The following FAM184A variants were observed in gnomAD, a reference collection of about 807,000 sequenced individuals.
FAM184A encodes protein FAM184A.
FAM184A carries 99 observed loss-of-function variants against 143.8 expected under a neutral mutation model. The ratio of observed to expected loss-of-function variants is 0.69; its 90% CI spans 0.58 to 0.81. The LOEUF (loss-of-function observed/expected upper bound fraction) is 0.81. FAM184A is among the 40% of genes least tolerant of loss of function. FAM184A has a pLI of 0.00. For synonymous variants in FAM184A, 427 were observed against 446.4 expected (o/e 0.96, Z 0.55); for missense variants, 1,217 against 1,310.5 (o/e 0.93, Z 1.10).
Position 119,078,409 on chromosome 6 carries a change from C to G in FAM184A, c.-110G>C. The G allele has an allele frequency of 8.9e-7, 1 of 1,126,440 alleles. No individual in the cohort carries two copies. Among genetic ancestry groups the G allele is most frequent in the Non-Finnish European group, 1.2e-6 (1 of 850,620 alleles). The allele number at this position is 1,126,440 out of a possible 1,614,324, so 69.8% of individuals were successfully genotyped here. A position where few individuals can be genotyped will look rare whatever the true frequency, so the allele number is the denominator to read the frequency against. On this transcript the variant is annotated 5_prime_UTR_variant, in exon 1 of 18. Coordinates refer to ENST00000338891, the MANE Select transcript of FAM184A (RefSeq NM_024581.6). This position sits in a 1 kb window ranked among gnomAD's most constrained non-coding sequence, Gnocchi z 5.5. ...GCGGCGGCCGCTTCCCGACCCGACA[C>G]CCGGCGCCCCCCAGACTCGGCCGCA... is the stretch of plus-strand genomic sequence containing the variant.
At position 119,107,072 on chromosome 6, in the gene FAM184A, GAA is replaced by G. The variant is rs199572832; in HGVS notation, c.-202+42004_-202+42005del. Among the ~76,000 whole-genome samples the G allele has an allele frequency of 5.5e-3, 833 of 152,268 alleles. 25 individuals carry two copies. The South Asian group carries it at 0.097, about 18-fold the overall frequency. On this transcript the variant is annotated intron_variant, in intron 1 of 16. Transcript: ENST00000352896. ...AAATTTGGGATAAATCTATTATCCT[GAA>G]ATTGTAATATGGAATTGTTAGTGAG... is the stretch of plus-strand genomic sequence containing the variant.
intron 1 of FAM184A, among the ~76,000 whole-genome samples, chr6:119,129,124 C>T (rs1209067622): frequency 1.3e-5 from 2 of 152,172 alleles, no homozygotes; most frequent in African/African-American, 2.4e-5. Context: ...CCCCTCTCTC[C>T]CAGATGTCGC....
chr6:118,989,599 AT>A (rs1350930490), intron 9 of FAM184A, among the ~76,000 whole-genome samples: 2 of 116,262 alleles, frequency 1.7e-5, no homozygotes, highest in East Asian at 3.9e-4. Context: ...CAAATATGAG[AT>A]AAAAAGATTA....
At chr6:119,084,963 G>C (rs915987707) in intron 1 of FAM184A, among the ~76,000 whole-genome samples, 1 of 152,238 alleles carries the variant, frequency 6.6e-6, no homozygotes, top group African/African-American at 2.4e-5. Flanking sequence ...GGGCAGCAGG[G>C]TCCTGGGTGT....
intron 1 of FAM184A, among the ~76,000 whole-genome samples, chr6:119,128,451 G>T (rs1248095315): frequency 6.6e-6 from 1 of 152,178 alleles, no homozygotes; most frequent in Non-Finnish European, 1.5e-5. Context: ...TCTTGGGCCA[G>T]ATGGTGGTGG....
chr6:118,969,986 T>TGTATATAAA (rs1783628413), intron 14 of FAM184A, among the ~76,000 whole-genome samples: 1 of 26,828 alleles, frequency 3.7e-5, no homozygotes, highest in African/African-American at 2.1e-4. Flanking sequence ...TGGGTGTATA[T>TGTATATAAA]ATATATAATA....
chr6:119,027,192 C>T (rs1785665076), intron 1 of FAM184A, among the ~76,000 whole-genome samples: 2 of 152,144 alleles, frequency 1.3e-5, no homozygotes, highest in African/African-American at 4.8e-5. Flanking sequence ...TCCCACTTTC[C>T]AGGCTGAACA....
chr6:119,109,575 A>G (rs1234982641), intron 1 of FAM184A, among the ~76,000 whole-genome samples: 1 of 152,220 alleles, frequency 6.6e-6, no homozygotes, highest in East Asian at 1.9e-4. Context: ...TGTTCTCACT[A>G]AAAAGATATG....
intron 5 of FAM184A, among the ~76,000 whole-genome samples, chr6:119,015,816 T>C (rs146480506): frequency 0.027 from 4,173 of 152,284 alleles, 173 homozygotes; most frequent in African/African-American, 0.095. Flanking sequence ...TGGAGAGTCT[T>C]TATGTCTAGC....
intron 1 of FAM184A, among the ~76,000 whole-genome samples, chr6:119,105,192 T>C (rs1432807720): frequency 6.6e-6 from 1 of 152,190 alleles, no homozygotes; most frequent in Admixed American, 6.5e-5. Context: ...TAATATAAAA[T>C]GTTAACAACA....
chr6:119,019,709 G>C (rs1002618501), intron 4 of FAM184A, among the ~76,000 whole-genome samples: 16 of 152,158 alleles, frequency 1.1e-4, no homozygotes, highest in African/African-American at 3.9e-4. Context: ...ACTGAAATAA[G>C]AGTTTATTCA....
At chr6:118,998,392 G>C (rs539317984) in intron 9 of FAM184A, among the ~76,000 whole-genome samples, 1 of 152,288 alleles carries the variant, frequency 6.6e-6, no homozygotes, top group African/African-American at 2.4e-5. Context: ...CTATGTGCCA[G>C]GAACAGTTTT....
At chr6:119,081,729 G>A (rs776995712), upstream of FAM184A, among the ~76,000 whole-genome samples, 9 of 152,182 alleles carry the variant, frequency 5.9e-5, no homozygotes, top group Admixed American at 2.0e-4. Context: ...TGGGCCACTC[G>A]ACAGCCCAGG....
In FAM184A at chr6:119,105,145, T is replaced by A. The variant is rs58603961; in HGVS notation, c.-202+43933A>T. Among the ~76,000 whole-genome samples the A allele has an allele frequency of 4.2e-3, 641 of 152,252 alleles. 4 individuals are homozygous for A. Among genetic ancestry groups the A allele is most frequent in the African/African-American group, 0.014 (600 of 41,548 alleles). On this transcript the variant is annotated intron_variant, in intron 1 of 16. Coordinates refer to the FAM184A transcript ENST00000352896. ...TAGGTAAAAATTTAGGAAAATGGGA[T>A]AAAATGTGGACTTTAGTTAATAATA...
At chr6:118,966,021 C>T (rs900706590) in intron 15 of FAM184A, among the ~76,000 whole-genome samples, 1 of 152,142 alleles carries the variant, frequency 6.6e-6, no homozygotes, top group African/African-American at 2.4e-5. Flanking sequence ...CCAAAGCCTG[C>T]TCCTGGATTC....
intron 15 of FAM184A, among the ~76,000 whole-genome samples, chr6:118,965,858 T>C (rs1359009599): frequency 6.6e-6 from 1 of 152,230 alleles, no homozygotes; most frequent in East Asian, 1.9e-4. Flanking sequence ...AGAGTTTCAA[T>C]ACATTTACTA....
intron 1 of FAM184A, among the ~76,000 whole-genome samples, chr6:119,052,861 A>G (rs1466144937): frequency 6.6e-6 from 1 of 152,236 alleles, no homozygotes; most frequent in East Asian, 1.9e-4. Context: ...GTACCCCAAT[A>G]TAATGAATCA....
At chr6:119,060,917 G>A (rs900775748) in intron 1 of FAM184A, among the ~76,000 whole-genome samples, 8 of 152,116 alleles carry the variant, frequency 5.3e-5, no homozygotes, top group East Asian at 1.9e-4. Context: ...AACCATGAAC[G>A]AATTAAACCT....
chr6:119,014,361 T>C (rs1056717221), intron 5 of FAM184A, among the ~76,000 whole-genome samples: 1 of 152,350 alleles, frequency 6.6e-6, no homozygotes, highest in East Asian at 1.9e-4. Context: ...AGGCCCAAAG[T>C]AATACAGTTA....
Sources: gnomAD v4.1 joint callset for allele counts (sites outside exome capture counted in the v4.1 genomes callset) on GRCh38, gnomAD v4.1.1 for gene constraint, Gnocchi (gnomAD v3.1) non-coding constraint, MANE v1.5 for transcripts, NCBI Gene and HGNC (gene_info 2026-07-23, HGNC 2026-07-21) for gene names.